RPS6KC1: variants seen among roughly 807,000 people sequenced by gnomAD.
RPS6KC1 encodes the protein ribosomal protein S6 kinase C1, also known as inactive ribosomal protein S6 kinase delta-1.
In RPS6KC1, 54 loss-of-function variants were observed where a neutral mutation model predicts 103.8. That is an observed-to-expected ratio of 0.52 (90% CI 0.42 to 0.65). The LOEUF (loss-of-function observed/expected upper bound fraction) is 0.65, where lower values mean the gene tolerates loss of function less well. RPS6KC1 is among the 30% of genes least tolerant of loss of function. The pLI is 0.00. For synonymous variants in RPS6KC1, 439 were observed against 438.7 expected, an observed-to-expected ratio of 1.00 and a Z score of -0.01; for missense variants, 1,151 against 1,253.8, an observed-to-expected ratio of 0.92 and a Z score of 1.24.
chr1:213,283,686 A>T, the RPS6KC1 span, among the ~76,000 whole-genome samples: 1 of 152,146 alleles, frequency 6.6e-6, no homozygotes, highest in African/African-American at 2.4e-5. Flanking sequence ...ACCTGCCAGC[A>T]CTGCCTTCTA....
the RPS6KC1 span, among the ~76,000 whole-genome samples, chr1:213,507,631 A>G: frequency 1.9e-4 from 28 of 151,206 alleles, no homozygotes; most frequent in East Asian, 4.9e-3. Context: ...GCCCTGGTGG[A>G]CACACTGCAT....
intron 3 of RPS6KC1, among the ~76,000 whole-genome samples, chr1:213,092,814 TTTGTATA>T (rs1358227707): frequency 6.6e-6 from 1 of 152,196 alleles, no homozygotes; most frequent in East Asian, 1.9e-4. Context: ...CCTATACACA[TTTGTATA>T]GTGTATGTAA....
chr1:213,724,114 G>C, the RPS6KC1 span, among the ~76,000 whole-genome samples: 1 of 152,094 alleles, frequency 6.6e-6, no homozygotes, highest in South Asian at 2.1e-4. Context: ...TTGAGATGAA[G>C]TCTTGCTCAG....
At chr1:213,778,472 G>A in the RPS6KC1 span, among the ~76,000 whole-genome samples, 3 of 151,990 alleles carry the variant, frequency 2.0e-5, no homozygotes, top group East Asian at 1.9e-4. Flanking sequence ...ATTTCCTTTC[G>A]GGGGCTCTAA....
At chr1:213,090,376 T>A (rs566982738) in intron 3 of RPS6KC1, among the ~76,000 whole-genome samples, 1 of 152,322 alleles carries the variant, frequency 6.6e-6, no homozygotes, top group Admixed American at 6.5e-5. Flanking sequence ...GTGTTATGAA[T>A]GTATCTTCAG....
chr1:213,645,515 T>C, the RPS6KC1 span, among the ~76,000 whole-genome samples: 212 of 152,268 alleles, frequency 1.4e-3, no homozygotes, highest in African/African-American at 4.7e-3. Flanking sequence ...TAGCCACTAT[T>C]ACCATCATTA....
intron 3 of RPS6KC1, among the ~76,000 whole-genome samples, chr1:213,093,506 A>C (rs540915515): frequency 6.6e-6 from 1 of 152,232 alleles, no homozygotes; most frequent in South Asian, 2.1e-4. Context: ...CACTGCACCC[A>C]GCCAATCATC....
chr1:213,610,160 T>G, the RPS6KC1 span, among the ~76,000 whole-genome samples: 1 of 152,118 alleles, frequency 6.6e-6, no homozygotes, highest in African/African-American at 2.4e-5. Flanking sequence ...CATTTTACTG[T>G]GGAGTCGCAG....
intron 8 of RPS6KC1, among the ~76,000 whole-genome samples, chr1:213,218,375 A>G (rs1038696585): frequency 6.6e-6 from 1 of 152,126 alleles, no homozygotes; most frequent in Admixed American, 6.5e-5. Flanking sequence ...AAAAGAGGAT[A>G]CAAACAAATG....
the RPS6KC1 span, among the ~76,000 whole-genome samples, chr1:213,765,698 C>T: frequency 1.3e-5 from 2 of 152,200 alleles, no homozygotes; most frequent in African/African-American, 2.4e-5. Context: ...ACTCTACCCT[C>T]GCCAGCCCCT....
At chr1:213,641,006 C>CTCTGTTGT in the RPS6KC1 span, among the ~76,000 whole-genome samples, 1 of 151,806 alleles carries the variant, frequency 6.6e-6, no homozygotes, top group Non-Finnish European at 1.5e-5. Flanking sequence ...TATTTTGGAG[C>CTCTGTTGT]TCTGTTGTTA....
At chr1:213,721,676 C>T in the RPS6KC1 span, among the ~76,000 whole-genome samples, 1 of 152,184 alleles carries the variant, frequency 6.6e-6, no homozygotes, top group South Asian at 2.1e-4. Flanking sequence ...AAAACTGCTG[C>T]CATAGCTCAG....
At chr1:213,320,771 C>G in the RPS6KC1 span, among the ~76,000 whole-genome samples, 1 of 152,200 alleles carries the variant, frequency 6.6e-6, no homozygotes, top group Non-Finnish European at 1.5e-5. Context: ...TTCTGGGGAA[C>G]CAACCCCATC....
chr1:213,426,142 C>T, the RPS6KC1 span, among the ~76,000 whole-genome samples: 1 of 152,120 alleles, frequency 6.6e-6, no homozygotes, highest in Non-Finnish European at 1.5e-5. Flanking sequence ...TGGTGGCCTC[C>T]GCACTGCCAG....
rs202230285 is a variant in RPS6KC1 at position 213,176,510 on chromosome 1, C to T, written c.1044+18C>T. On this transcript the variant is annotated intron_variant, in intron 8 of 14. Coordinates refer to ENST00000366960, the MANE Select transcript of RPS6KC1 (RefSeq NM_012424.6). ...TTGACAAGGTAATTCTTCAGTGTCT[C>T]TTCAAGAGTTCAGTCATAAATCGAC... 4.6e-6 allele frequency: 7 copies of T among 1,511,708 alleles called. No homozygotes were observed. In the East Asian group the frequency reaches 1.4e-4, roughly 30 times the overall value. The allele number at this position is 1,511,708 out of a possible 1,614,324, so 93.6% of individuals were successfully genotyped here.
the RPS6KC1 span, among the ~76,000 whole-genome samples, chr1:213,671,165 T>C: frequency 6.6e-6 from 1 of 152,200 alleles, no homozygotes; most frequent in South Asian, 2.1e-4. Context: ...TATTGTAGTA[T>C]ACATACACAA....
the RPS6KC1 span, among the ~76,000 whole-genome samples, chr1:213,647,191 A>G: frequency 6.6e-6 from 1 of 152,144 alleles, no homozygotes; most frequent in Non-Finnish European, 1.5e-5. Flanking sequence ...GATTACAGGT[A>G]TGAGCCACCA....
At position 213,234,198 on chromosome 1, in the gene RPS6KC1, A is replaced by G. The variant is rs2094172223; in HGVS notation, c.1225+1943A>G. Among the ~76,000 whole-genome samples, 5 of 151,942 alleles carry G rather than the reference A, an allele frequency of 3.3e-5. No homozygotes were observed. In the South Asian group the frequency reaches 1.0e-3, roughly 32 times the overall value. ...CTAAGTTTTAAAATTTTTTGTAGAG[A>G]TTGGGTCTCTCTATGTTGCCCAAAT... is the stretch of plus-strand genomic sequence containing the variant. On this transcript the variant is annotated intron_variant, in intron 10 of 14. Transcript: ENST00000366960.
chr1:213,279,922 C>T, the RPS6KC1 span, among the ~76,000 whole-genome samples: 2 of 152,180 alleles, frequency 1.3e-5, no homozygotes, highest in African/African-American at 4.8e-5. Context: ...GCTGCCACAG[C>T]GGTCTGTGTT....
Sources: gnomAD v4.1 joint callset for allele counts (sites outside exome capture counted in the v4.1 genomes callset) on GRCh38, gnomAD v4.1.1 for gene constraint, MANE v1.5 for transcripts, NCBI Gene and HGNC (gene_info 2026-07-23, HGNC 2026-07-21) for gene names.